MAP3K13: variants seen among roughly 807,000 people sequenced by gnomAD.
The protein encoded by MAP3K13 is mitogen-activated protein kinase kinase kinase 13, also known as leucine zipper-bearing kinase.
MAP3K13 carries 52 observed loss-of-function variants against 104.0 expected under a neutral mutation model. That is an observed-to-expected ratio of 0.50 (90% CI 0.40 to 0.63). MAP3K13 has a LOEUF of 0.63. Among genes scored for constraint, MAP3K13 ranks in the 20% least tolerant of loss-of-function variants. The probability of loss-of-function intolerance (pLI) is 0.00; values close to 1 mark genes in which losing one functional copy is unlikely to be tolerated. For synonymous variants in MAP3K13, 394 were observed against 442.2 expected, an observed-to-expected ratio of 0.89 and a Z score of 1.37; for missense variants, 914 against 1,218.5, an observed-to-expected ratio of 0.75 and a Z score of 3.72.
intron 2 of MAP3K13, among the ~76,000 whole-genome samples, chr3:185,303,080 G>A (rs1721164172): frequency 6.6e-6 from 1 of 152,108 alleles, no homozygotes; most frequent in Non-Finnish European, 1.5e-5. Flanking sequence ...TTCTGAATCA[G>A]TTGAGACGGT....
intron 5 of MAP3K13, among the ~76,000 whole-genome samples, chr3:185,449,123 G>A (rs1452646211): frequency 2.6e-5 from 4 of 152,074 alleles, no homozygotes; most frequent in Non-Finnish European, 5.9e-5. Context: ...TGTAATTCCA[G>A]CACTTTGGGA....
intron 2 of MAP3K13, among the ~76,000 whole-genome samples, chr3:185,305,566 C>T (rs957650935): frequency 1.5e-4 from 23 of 151,904 alleles, no homozygotes; most frequent in Non-Finnish European, 1.5e-5. Flanking sequence ...CTGTATTTAC[C>T]TGTGTATTTA....
intron 1 of MAP3K13, among the ~76,000 whole-genome samples, chr3:185,393,843 A>G (rs554212830): frequency 2.4e-4 from 37 of 152,228 alleles, no homozygotes; most frequent in African/African-American, 8.9e-4. Context: ...TTTTTAACCT[A>G]TTTCCTTAGG....
chr3:185,287,941 G>A (rs2108668896), intron 2 of MAP3K13, among the ~76,000 whole-genome samples: 1 of 152,294 alleles, frequency 6.6e-6, no homozygotes, highest in Non-Finnish European at 1.5e-5. Flanking sequence ...GGAGGCTGAG[G>A]TAGGAGAATC....
At chr3:185,327,971 A>G (rs888165509) in intron 2 of MAP3K13, among the ~76,000 whole-genome samples, 1 of 148,738 alleles carries the variant, frequency 6.7e-6, no homozygotes, top group Non-Finnish European at 1.5e-5. Flanking sequence ...GGGAGGGAAG[A>G]AAGGAAGGAA....
chr3:185,429,630 T>C (rs188050408), intron 2 of MAP3K13, among the ~76,000 whole-genome samples: 181 of 152,056 alleles, frequency 1.2e-3, no homozygotes, highest in Middle Eastern at 6.8e-3. Flanking sequence ...AAATAATTAA[T>C]TAATGGATAA....
intron 2 of MAP3K13, among the ~76,000 whole-genome samples, chr3:185,291,405 GC>G (rs1392881850): frequency 6.6e-6 from 1 of 152,092 alleles, no homozygotes; most frequent in East Asian, 1.9e-4. Context: ...AAAGAGATAA[GC>G]CAATGAACAT....
intron 4 of MAP3K13, among the ~76,000 whole-genome samples, chr3:185,445,959 T>C (rs1715568978): frequency 6.6e-6 from 1 of 152,216 alleles, no homozygotes. Context: ...AATTCTCTCA[T>C]ATATCCCATA....
rs548813356 is a variant in MAP3K13, at chr3:185,330,046, ATTTTTTTTTT to A, written c.-86+44430_-86+44439del. On this transcript the variant is annotated intron_variant, in intron 2 of 14. Coordinates refer to the MAP3K13 transcript ENST00000424227. ...AGGCGCCCGCCACCATGCCTGGCTA[ATTTTTTTTTT>A]TTTTTTTTTTTTTTTTTTTTTTTTT... Among the ~76,000 whole-genome samples the A allele has an allele frequency of 3.6e-4, 35 of 98,276 alleles. No homozygotes were observed. The South Asian group carries it at 6.7e-3, about 19-fold the overall frequency. The allele number at this position is 98,276 out of a possible 152,430, so 64.5% of individuals were successfully genotyped here.
intron 1 of MAP3K13, among the ~76,000 whole-genome samples, chr3:185,415,653 G>T (rs1713724509): frequency 8.4e-6 from 1 of 119,700 alleles, no homozygotes; most frequent in South Asian, 2.7e-4. Flanking sequence ...GTGCCGTCTT[G>T]TCTCACTGCA....
At chr3:185,379,293 T>C (rs11711727) in intron 1 of MAP3K13, among the ~76,000 whole-genome samples, 26,968 of 151,942 alleles carry the variant, frequency 0.18, 2,569 homozygotes, top group Non-Finnish European at 0.21. Flanking sequence ...GACGCCGGAG[T>C]TTTGGGTCCA....
chr3:185,429,370 C>T (rs1329807073), intron 2 of MAP3K13, among the ~76,000 whole-genome samples: 3 of 152,168 alleles, frequency 2.0e-5, no homozygotes. Flanking sequence ...TTTAAAATTT[C>T]TATTTTCATA....
chr3:185,475,126 C>A (rs78878396), intron 11 of MAP3K13, among the ~76,000 whole-genome samples: 1 of 151,104 alleles, frequency 6.6e-6, no homozygotes, highest in Non-Finnish European at 1.5e-5. Context: ...CACGCTCTTC[C>A]ATTTAGTACC....
upstream of MAP3K13, among the ~76,000 whole-genome samples, chr3:185,360,818 CTTTTTTT>C (rs532196266): frequency 1.0e-4 from 8 of 78,086 alleles, no homozygotes; most frequent in Admixed American, 5.1e-4. Context: ...ACAGCTTTAG[CTTTTTTT>C]TTTTTTTTTT....
chr3:185,345,970 A>G (rs1311269270), intron 2 of MAP3K13, among the ~76,000 whole-genome samples: 1 of 152,112 alleles, frequency 6.6e-6, no homozygotes, highest in Non-Finnish European at 1.5e-5. Flanking sequence ...GAAGGGAAAA[A>G]ATTGTAACAA....
intron 2 of MAP3K13, among the ~76,000 whole-genome samples, chr3:185,291,422 G>A (rs1333503029): frequency 2.0e-5 from 3 of 152,010 alleles, no homozygotes; most frequent in African/African-American, 4.8e-5. Flanking sequence ...AACATATTCA[G>A]CCATTTTGTC....
At chr3:185,353,022 G>A (rs1209384254) in intron 2 of MAP3K13, among the ~76,000 whole-genome samples, 4 of 152,254 alleles carry the variant, frequency 2.6e-5, no homozygotes, top group Non-Finnish European at 5.9e-5. Flanking sequence ...AAAACCAAGA[G>A]CTTTCCAATG....
chr3:185,416,113 C>A (rs1330892856), intron 1 of MAP3K13, among the ~76,000 whole-genome samples: 1 of 152,148 alleles, frequency 6.6e-6, no homozygotes, highest in African/African-American at 2.4e-5. Context: ...TGGTATCTCA[C>A]TGTTTATTGA....
intron 2 of MAP3K13, among the ~76,000 whole-genome samples, chr3:185,302,696 T>A (rs1220642920): frequency 6.6e-6 from 1 of 152,218 alleles, no homozygotes; most frequent in Non-Finnish European, 1.5e-5. Context: ...AATCATTGAT[T>A]TTGTATTCTG....
Sources: allele counts gnomAD v4.1 joint callset (sites outside exome capture counted in the v4.1 genomes callset), GRCh38; gene constraint gnomAD v4.1.1; transcripts MANE v1.5; gene names NCBI Gene and HGNC (gene_info 2026-07-23, HGNC 2026-07-21).